CRNKL1: variants seen among roughly 807,000 people sequenced by gnomAD.
CRNKL1 encodes the protein crooked neck-like protein 1.
In CRNKL1, 35 loss-of-function variants were observed where a neutral mutation model predicts 103.7. The ratio of observed to expected loss-of-function variants is 0.34; its 90% CI spans 0.26 to 0.45. CRNKL1 has a LOEUF of 0.45. CRNKL1 is among the 20% of genes least tolerant of loss of function. The pLI is 1.00. For synonymous variants in CRNKL1, 267 were observed against 282.6 expected (o/e 0.94, Z 0.55); for missense variants, 645 against 836.0 (o/e 0.77, Z 2.82).
intron 6 of CRNKL1, among the ~76,000 whole-genome samples, chr20:20,044,549 T>C (rs977203801): frequency 2.0e-5 from 3 of 152,242 alleles, no homozygotes; most frequent in African/African-American, 4.8e-5. Flanking sequence ...GTTTCACATT[T>C]TGAGTTTTGG....
intron 13 of CRNKL1, among the ~76,000 whole-genome samples, chr20:20,036,999 T>C (rs13037134): frequency 0.33 from 50,214 of 152,088 alleles, 9,963 homozygotes; most frequent in Non-Finnish European, 0.44. Context: ...CTTCTCTGGA[T>C]AGGCTCCTAT....
At chr20:20,041,661 A>G (rs1031826782) in intron 8 of CRNKL1, 36 bp from the exon 9 acceptor site, 5 of 1,484,998 alleles carry the variant, frequency 3.4e-6, no homozygotes, top group Non-Finnish European at 4.7e-6. Flanking sequence ...AAAATATTGA[A>G]GTCTGCTGCT....
intron 6 of CRNKL1, 38 bp from the exon 7 acceptor site, chr20:20,043,700 T>A (rs767108289): frequency 4.5e-5 from 71 of 1,579,104 alleles, no homozygotes; most frequent in Non-Finnish European, 6.1e-5. Context: ...TATAACACAA[T>A]ATTCTCATGC....
Position 20,034,615 on chromosome 20 carries a change from C to CCTGA in CRNKL1, c.*1576_*1579dup, listed in dbSNP as rs2043389804. The CCTGA allele has an allele frequency of 6.6e-6, 1 of 152,078 alleles. No individual in the cohort carries two copies. The highest frequency in any genetic ancestry group is 2.4e-5 in the African/African-American group (1 of 41,378). The allele number at this position is 152,078 out of a possible 1,614,324, so 9.4% of individuals were successfully genotyped here. ...TTCTGACCTATTATTTTCATCTCTC[C>CCTGA]CTGACTCTGGGTGAGCCAAAGGCTA... is the stretch of plus-strand genomic sequence containing the variant. On this transcript the variant is annotated 3_prime_UTR_variant, in exon 14 of 14. Transcript: ENST00000536226.
In CRNKL1 at chr20:20,043,668, T is replaced by C. The variant is rs763287636; in HGVS notation, c.802-6A>G. ...ATCACTCGTACCCTTTCAAACTAAA[T>C]GCAGACAGGATGATTACCTTCTATA... On this transcript the variant is annotated splice_region_variant and splice_polypyrimidine_tract_variant and intron_variant, in intron 6 of 13. Transcript: ENST00000536226. The C allele has an allele frequency of 5.6e-6, 9 of 1,610,358 alleles. No individual in the cohort carries two copies. In the Admixed American group the frequency reaches 1.2e-4, roughly 21 times the overall value.
chr20:20,054,414 T>TACACACACAC (rs371567134), upstream of CRNKL1, among the ~76,000 whole-genome samples: 17 of 151,478 alleles, frequency 1.1e-4, no homozygotes, highest in South Asian at 6.2e-4. Flanking sequence ...TATATATATA[T>TACACACACAC]ACACACACAC....
intron 3 of CRNKL1, 145 bp downstream of exon 3, chr20:20,049,195 A>C: frequency 9.0e-6 from 5 of 556,942 alleles, no homozygotes; most frequent in Non-Finnish European, 1.3e-5. Context: ...CCTCAAGGGA[A>C]CCCTAGGGTT....
chr20:20,037,957 C>T (rs186526338), intron 12 of CRNKL1, among the ~76,000 whole-genome samples: 2 of 151,902 alleles, frequency 1.3e-5, no homozygotes, highest in East Asian at 1.9e-4. Flanking sequence ...CATTATGGTG[C>T]GCGTCTCTAG....
At position 20,044,298 on chromosome 20, in the gene CRNKL1, A is replaced by G. The variant is rs2043560482; in HGVS notation, c.802-636T>C. Among the ~76,000 whole-genome samples, 3 of 152,228 alleles carry G rather than the reference A, an allele frequency of 2.0e-5. 1 individual carries two copies. ...TCACTGTCCCGCTTAAAACCTTTCA[A>G]TGCTTCCCACTGGCCCGAACAGAAT... On this transcript the variant is annotated intron_variant, in intron 6 of 13. Transcript: ENST00000536226.
chr20:20,053,830 A>G (rs569506002), upstream of CRNKL1, among the ~76,000 whole-genome samples: 1 of 152,220 alleles, frequency 6.6e-6, no homozygotes, highest in Non-Finnish European at 1.5e-5. Flanking sequence ...CTTTGAAGTG[A>G]TTTTCCTTAA....
At chr20:20,052,575 C>G (rs377204100), upstream of CRNKL1, 4 of 1,613,778 alleles carry the variant, frequency 2.5e-6, no homozygotes, top group African/African-American at 1.3e-5. Flanking sequence ...GTGCGGCGTC[C>G]TGGAGCTGCG....
At chr20:20,054,592 T>C (rs61267482), upstream of CRNKL1, among the ~76,000 whole-genome samples, 12,174 of 152,316 alleles carry the variant, frequency 0.08, 1,364 homozygotes, top group East Asian at 0.6. Context: ...TGTGCCGATA[T>C]TGTCTCTGGT....
At chr20:20,046,643 A>G (rs564624772) in intron 5 of CRNKL1, among the ~76,000 whole-genome samples, 5 of 152,344 alleles carry the variant, frequency 3.3e-5, no homozygotes, top group Admixed American at 6.5e-5. Context: ...ATTTTGTAAG[A>G]AAAGTGGTTC....
chr20:20,056,007 G>A (rs959202464), upstream of CRNKL1: 4 of 1,606,936 alleles, frequency 2.5e-6, no homozygotes, highest in African/African-American at 5.4e-5. Flanking sequence ...CTCCACTGTT[G>A]CCGTCATTAG....
rs773650568 is a variant in CRNKL1 at position 20,039,714 on chromosome 20, G to C, written c.1440C>G (p.Thr480=). ...KFLEFGPENC[T]SWIKFAELET... Reference sequence around the variant, plus strand: ...CTAATTCAGCGAATTTAATCCATGAGGTACAATTTTCAGGTCCAAATTCCA... The same window carrying C: ...CTAATTCAGCGAATTTAATCCATGACGTACAATTTTCAGGTCCAAATTCCA... Residue 480 remains threonine, a synonymous_variant, in exon 11 of 14, where the codon ACC becomes ACG. Transcript: ENST00000536226. 6.2e-7 allele frequency: 1 copy of C among 1,614,152 alleles called. No individual in the cohort carries two copies. Among genetic ancestry groups the C allele is most frequent in the South Asian group, 1.1e-5 (1 of 91,076 alleles).
intron 6 of CRNKL1, among the ~76,000 whole-genome samples, 159 bp from the exon 7 acceptor site, chr20:20,043,821 C>T (rs1314508171): frequency 6.6e-6 from 1 of 152,014 alleles, no homozygotes; most frequent in Admixed American, 6.6e-5. Context: ...AAGGTTATCT[C>T]TGTCAGGATG....
chr20:20,045,958 T>C (rs1398171227), intron 5 of CRNKL1, among the ~76,000 whole-genome samples: 1 of 152,210 alleles, frequency 6.6e-6, no homozygotes, highest in Non-Finnish European at 1.5e-5. Context: ...GGTCTGGTCA[T>C]TAAATAGCAC....
upstream of CRNKL1, among the ~76,000 whole-genome samples, chr20:20,054,790 G>T (rs1389943486): frequency 2.6e-5 from 4 of 152,064 alleles, no homozygotes; most frequent in Non-Finnish European, 5.9e-5. Flanking sequence ...TCTTTTGTCA[G>T]GTTCCTTTAA....
chr20:20,048,050 A>G lies in CRNKL1; in HGVS notation c.456-119T>C, dbSNP rs1325612574. 15 of 1,274,478 alleles carry G rather than the reference A, an allele frequency of 1.2e-5. No individual in the cohort carries two copies. The Admixed American group carries it at 1.8e-4, about 15-fold the overall frequency. 78.9% of individuals were successfully genotyped at this position (1,274,478 alleles called of 1,614,324 possible). A position where few individuals can be genotyped will look rare whatever the true frequency, so the allele number is the denominator to read the frequency against. On this transcript the variant is annotated intron_variant, in intron 4 of 13. Transcript: ENST00000536226. Reference sequence around the variant, plus strand: ...AAATCAAACATGTTTTGTCATTTGTATGTAAATCTGAAAAAGGATGAACCA... The same window carrying G: ...AAATCAAACATGTTTTGTCATTTGTGTGTAAATCTGAAAAAGGATGAACCA...
Sources: allele counts gnomAD v4.1 joint callset (sites outside exome capture counted in the v4.1 genomes callset), GRCh38; gene constraint gnomAD v4.1.1; transcripts MANE v1.5; gene names NCBI Gene and HGNC (gene_info 2026-07-23, HGNC 2026-07-21).